Variants in SLC35B1 observed in about 807,000 individuals in gnomAD.
SLC35B1 encodes solute carrier family 35 member B1.
SLC35B1 carries 27 observed loss-of-function variants against 36.6 expected under a neutral mutation model. The observed-to-expected ratio is 0.74, with a 90% CI of 0.54 to 1.02. The LOEUF (loss-of-function observed/expected upper bound fraction) is 1.02. Ranked by LOEUF, SLC35B1 falls within the 50% of genes least tolerant of loss-of-function variation. The pLI is 0.00. For missense variants in SLC35B1, 321 were observed against 383.2 expected, an observed-to-expected ratio of 0.84 and a Z score of 1.35; for synonymous variants, 162 against 152.5, an observed-to-expected ratio of 1.06 and a Z score of -0.46.
At chr17:49,703,626 C>T (rs956151699) in intron 6 of SLC35B1, 2 of 351,682 alleles carry the variant, frequency 5.7e-6, no homozygotes, top group African/African-American at 2.1e-5. Flanking sequence ...AAGCCCCTCG[C>T]ATTAGTCACC....
At chr17:49,707,485 C>T (rs1406832073) in intron 1 of SLC35B1, 1 of 1,469,992 alleles carries the variant, frequency 6.8e-7, no homozygotes, top group East Asian at 2.7e-5. Flanking sequence ...AAACGCAGGC[C>T]CTTAGAACCA....
chr17:49,707,513 A>G, intron 1 of SLC35B1: 1 of 1,485,998 alleles, frequency 6.7e-7, no homozygotes, highest in Non-Finnish European at 8.9e-7. Context: ...AAAAACAGCT[A>G]AGAAAAGAAA....
At chr17:49,707,294 GA>G in intron 1 of SLC35B1, 2 of 1,454,840 alleles carry the variant, frequency 1.4e-6, no homozygotes, top group East Asian at 2.9e-5. Flanking sequence ...AAGAATACCC[GA>G]AAAAGACGGA....
rs1244229713 is a variant in SLC35B1 at position 49,706,197 on chromosome 17, G to A, written c.339+7C>T. On this transcript the variant is annotated splice_region_variant and intron_variant, in intron 3 of 8. Transcript: ENST00000240333. ...GAGCCAACCATCATCCCACCCTGAGGTTTCACCTGAGTTGGGTAGTTGACA... is the reference window on the plus strand; with the variant it reads ...GAGCCAACCATCATCCCACCCTGAGATTTCACCTGAGTTGGGTAGTTGACA... 4 of 1,595,604 alleles carry A rather than the reference G, an allele frequency of 2.5e-6. No individual in the cohort carries two copies. In the Admixed American group the frequency reaches 7.3e-5, roughly 29 times the overall value.
rs116275186 is a variant in SLC35B1, at chr17:49,704,643, C to A, written c.529-417G>T. 6.1e-3 allele frequency among the ~76,000 whole-genome samples: 928 copies of A among 152,206 alleles called. 8 individuals are homozygous for A. The highest frequency in any genetic ancestry group is 0.016 in the African/African-American group (667 of 41,512). On this transcript the variant is annotated intron_variant, in intron 5 of 8. Coordinates refer to ENST00000240333, the MANE Select transcript of SLC35B1 (RefSeq NM_005827.4). ...AAATAGCCAAGTGACCATGGGCAAG[C>A]GAGTTAACTTCTCTGTGCCTAGTTT...
In SLC35B1 at chr17:49,707,959, A is replaced by C. The variant is rs1357332080; in HGVS notation, c.-126T>G. The C allele has an allele frequency of 6.5e-7, 1 of 1,546,992 alleles. No homozygotes were observed. Among genetic ancestry groups the C allele is most frequent in the Non-Finnish European group, 8.7e-7 (1 of 1,145,312 alleles). ...AGGGGCCTCATAGGAGCTGCATGCG[A>C]CCGCTGTCCAGCAGGGCCCAGCAGT... On this transcript the variant is annotated 5_prime_UTR_variant, in exon 1 of 9. Transcript: ENST00000240333.
At chr17:49,706,122 T>TTTAAC in intron 3 of SLC35B1, 82 bp downstream of exon 3, 1 of 1,239,704 alleles carries the variant, frequency 8.1e-7, no homozygotes, top group Non-Finnish European at 1.1e-6. Flanking sequence ...TTTTTTTTTT[T>TTTAAC]AACTCACAGA....
intron 8 of SLC35B1, 28 bp from the exon 9 acceptor site, chr17:49,701,538 C>T: frequency 3.7e-6 from 6 of 1,606,262 alleles, no homozygotes; most frequent in African/African-American, 1.3e-5. Context: ...ATGGGCTTAG[C>T]CTTATGGGGG....
Position 49,707,008 on chromosome 17 carries a change from C to G in SLC35B1, c.165G>C (p.Leu55Phe). 6.2e-7 allele frequency: 1 copy of G among 1,614,030 alleles called. No individual in the cohort carries two copies. The highest frequency in any genetic ancestry group is 8.5e-7 in the Non-Finnish European group (1 of 1,179,986). The change falls in exon 2 of 9, where the codon TTG becomes TTC. Residue 55 changes from leucine to phenylalanine, a missense_variant. Transcript: ENST00000240333. ...KQETFTFALT[L>F]VFIQCVINAV... Reference sequence around the variant, plus strand: ...CATTGATCACACATTGAATGAAGACCAAAGTTAAGGCAAAGGTGAACGTCT... The same window carrying G: ...CATTGATCACACATTGAATGAAGACGAAAGTTAAGGCAAAGGTGAACGTCT...
At position 49,701,299 on chromosome 17, in the gene SLC35B1, C is replaced by A. The variant is rs548211475; in HGVS notation, c.*159G>T. ...ACCACCACTCTGTCTTGTTAAAATC[C>A]AAGTGCATTTTTTAGAATATGTGAT... On this transcript the variant is annotated 3_prime_UTR_variant, in exon 9 of 9. Transcript: ENST00000240333. The A allele has an allele frequency of 5.5e-5, 34 of 618,588 alleles. No individual in the cohort carries two copies. In the South Asian group the frequency reaches 6.9e-4, roughly 13 times the overall value. 38.3% of individuals were successfully genotyped at this position (618,588 alleles called of 1,614,324 possible). A position where few individuals can be genotyped will look rare whatever the true frequency, so the allele number is the denominator to read the frequency against.
upstream of SLC35B1, chr17:49,707,998 G>A (rs2143671709): frequency 1.4e-6 from 2 of 1,442,942 alleles, no homozygotes; most frequent in Non-Finnish European, 1.9e-6. Context: ...TACCAGAACT[G>A]CCGGCTCATG....
chr17:49,701,521 G>A lies in SLC35B1; in HGVS notation c.917-11C>T, dbSNP rs377515355. On this transcript the variant is annotated splice_polypyrimidine_tract_variant and intron_variant, in intron 8 of 8. Coordinates refer to ENST00000240333, the MANE Select transcript of SLC35B1 (RefSeq NM_005827.4). ...CATCAAGACCAAGACCTATGAAAAG[G>A]AAGAAAATGGGCTTAGCCTTATGGG... The A allele has an allele frequency of 5.0e-6, 8 of 1,612,970 alleles. No individual in the cohort carries two copies. In the African/African-American group the frequency reaches 9.4e-5, roughly 19 times the overall value.
Position 49,701,332 on chromosome 17 carries a change from G to T in SLC35B1, c.*126C>A, listed in dbSNP as rs1419912972. Reference sequence around the variant, plus strand: ...TTTTTTAGAATATGTGATTTTGCTTGATTTTATTTTATTAAAAAAGACTGG... The same window carrying T: ...TTTTTTAGAATATGTGATTTTGCTTTATTTTATTTTATTAAAAAAGACTGG... On this transcript the variant is annotated 3_prime_UTR_variant, in exon 9 of 9. Coordinates refer to ENST00000240333, the MANE Select transcript of SLC35B1 (RefSeq NM_005827.4). The T allele has an allele frequency of 2.7e-5, 20 of 740,134 alleles. No individual in the cohort carries two copies. Among genetic ancestry groups the T allele is most frequent in the Non-Finnish European group, 4.3e-5 (19 of 439,648 alleles). 45.8% of individuals were successfully genotyped at this position (740,134 alleles called of 1,614,324 possible).
Position 49,707,928 on chromosome 17 carries a change from G to A in SLC35B1, c.-95C>T, listed in dbSNP as rs1364777271. 7 of 1,564,750 alleles carry A rather than the reference G, an allele frequency of 4.5e-6. No homozygotes were observed. The highest frequency in any genetic ancestry group is 2.3e-5 in the East Asian group (1 of 42,590). ...CAGCTCCAGCCGGACATCGCCGACC[G>A]GCGGCAGGGGCCTCATAGGAGCTGC... On this transcript the variant is annotated 5_prime_UTR_variant, in exon 1 of 9. Coordinates refer to ENST00000240333, the MANE Select transcript of SLC35B1 (RefSeq NM_005827.4).
intron 2 of SLC35B1, 134 bp downstream of exon 2, chr17:49,706,831 G>T: frequency 1.5e-6 from 1 of 662,592 alleles, no homozygotes. Flanking sequence ...AGACTTCACA[G>T]AGAGGCTGTG....
At position 49,707,947 on chromosome 17, in the gene SLC35B1, G is replaced by A; in HGVS notation, c.-114C>T. 5 of 1,553,384 alleles carry A rather than the reference G, an allele frequency of 3.2e-6. No individual in the cohort carries two copies. Among genetic ancestry groups the A allele is most frequent in the Non-Finnish European group, 4.4e-6 (5 of 1,148,566 alleles). ...CCGACCGGCGGCAGGGGCCTCATAG[G>A]AGCTGCATGCGACCGCTGTCCAGCA... On this transcript the variant is annotated 5_prime_UTR_variant, in exon 1 of 9. Coordinates refer to ENST00000240333, the MANE Select transcript of SLC35B1 (RefSeq NM_005827.4).
chr17:49,701,589 C>G, intron 8 of SLC35B1, 79 bp from the exon 9 acceptor site: 1 of 1,216,534 alleles, frequency 8.2e-7, no homozygotes, highest in Non-Finnish European at 1.2e-6. Context: ...GTGGGGTAGT[C>G]GGCCTTGTAT....
rs2073370194 is a variant in SLC35B1, at chr17:49,702,989, A to T, written c.785T>A (p.Val262Glu). The T allele has an allele frequency of 6.2e-7, 1 of 1,613,998 alleles. No homozygotes were observed. Among genetic ancestry groups the T allele is most frequent in the Admixed American group, 1.7e-5 (1 of 60,004 alleles). Residue 262 changes from valine (V) to glutamate (E), a missense_variant, in exon 8 of 9, where the codon GTG becomes GAG. By Grantham distance (121) the Val-to-Glu change is moderately radical (BLOSUM62 -2). Transcript: ENST00000240333. ...GGAGCAGGTCAGGGGACCAAAATAC[A>T]CAACCGTCATAAAGATGAAGCTCTA... ...LGQSFIFMTV[V>E]YFGPLTCSII...
intron 6 of SLC35B1, chr17:49,703,629 T>G: frequency 2.9e-6 from 1 of 349,900 alleles, no homozygotes; most frequent in South Asian, 2.6e-5. Flanking sequence ...CCCCTCGCAT[T>G]AGTCACCTTC....
Sources: allele counts gnomAD v4.1 joint callset (sites outside exome capture counted in the v4.1 genomes callset), GRCh38; gene constraint gnomAD v4.1.1; transcripts MANE v1.5; gene names NCBI Gene and HGNC (gene_info 2026-07-23, HGNC 2026-07-21).